CLCA1: variants seen among roughly 807,000 people sequenced by gnomAD.
CLCA1 encodes chloride channel accessory 1.
Under a neutral mutation model 85.6 loss-of-function variants are expected in CLCA1, and 59 were observed. That is an observed-to-expected ratio of 0.69 (90% CI 0.56 to 0.86). CLCA1 has a LOEUF of 0.86. Ranked by LOEUF, CLCA1 falls within the 40% of genes least tolerant of loss-of-function variation. The probability of loss-of-function intolerance (pLI) is 0.00; values close to 1 mark genes in which losing one functional copy is unlikely to be tolerated. For synonymous variants in CLCA1, 396 were observed against 398.3 expected (o/e 0.99, Z 0.07); for missense variants, 1,022 against 1,101.4 (o/e 0.93, Z 1.02).
chr1:86,486,654 G>A lies in CLCA1; in HGVS notation c.1083G>A (p.Gln361=). The A allele has an allele frequency of 6.2e-7, 1 of 1,614,210 alleles. No homozygotes were observed. Among genetic ancestry groups the A allele is most frequent in the Non-Finnish European group, 8.5e-7 (1 of 1,180,028 alleles). Residue 361 remains glutamine, a synonymous_variant, in exon 7 of 14, where the codon CAG becomes CAA. Coordinates refer to ENST00000394711, the MANE Select transcript of CLCA1 (RefSeq NM_001285.4). ...SAAHVQNELI[Q]INSGSDRDTL... is the part of the protein sequence containing the mutation. ...CCCATGTACAAAATGAACTCATACA[G>A]ATAAACAGTGGCAGTGACAGGGACA...
rs569492161 is a variant in CLCA1, at chr1:86,472,624, C to T, written c.163-793C>T. Among the ~76,000 whole-genome samples, 6 of 152,278 alleles carry T rather than the reference C, an allele frequency of 3.9e-5. No individual in the cohort carries two copies. The East Asian group carries it at 1.2e-3, about 29-fold the overall frequency. ...ACATATCACAGGGAATCTGCAGACA[C>T]ATTTATAATTTAACGCTGCAGCTAT... On this transcript the variant is annotated intron_variant, in intron 1 of 13. Transcript: ENST00000394711.
At chr1:86,493,363 A>G in intron 9 of CLCA1, 21 bp from the exon 10 acceptor site, 1 of 1,577,928 alleles carries the variant, frequency 6.3e-7, no homozygotes, top group Non-Finnish European at 8.7e-7. Context: ...TCCAGAAAGT[A>G]AGAGCTGTTT....
chr1:86,494,546 C>T, intron 11 of CLCA1, 98 bp downstream of exon 11: 1 of 1,253,952 alleles, frequency 8.0e-7, no homozygotes, highest in Non-Finnish European at 1.1e-6. Flanking sequence ...GTTAGACAGG[C>T]AAGGCAGCAC....
At position 86,489,161 on chromosome 1, in the gene CLCA1, A is replaced by G. The variant is rs781711536; in HGVS notation, c.1348A>G (p.Lys450Glu). 2.5e-6 allele frequency: 4 copies of G among 1,613,642 alleles called. No individual in the cohort carries two copies. The Admixed American group carries it at 5.0e-5, about 20-fold the overall frequency. ...AGCTCAAGAACTAGAGGAGCTGTCC[A>G]AAATGACAGGTGAGGGATGATTTGC... ...SAAQELEELS[K>E]MTGGLQTYAS... The change falls in exon 8 of 14, where the codon AAA (lysine) becomes GAA (glutamate). Residue 450 changes from lysine to glutamate, a missense_variant. Coordinates refer to ENST00000394711, the MANE Select transcript of CLCA1 (RefSeq NM_001285.4).
At chr1:86,480,390 C>T (rs1647786154) in intron 4 of CLCA1, among the ~76,000 whole-genome samples, 1 of 151,984 alleles carries the variant, frequency 6.6e-6, no homozygotes, top group Non-Finnish European at 1.5e-5. Flanking sequence ...AGATAATTTA[C>T]AAAAGAAGAA....
At position 86,485,512 on chromosome 1, in the gene CLCA1, T is replaced by C; in HGVS notation, c.905T>C (p.Ile302Thr). 1 of 1,614,166 alleles carries C rather than the reference T, an allele frequency of 6.2e-7. No individual in the cohort carries two copies. The highest frequency in any genetic ancestry group is 8.5e-7 in the Non-Finnish European group (1 of 1,180,016). Residue 302 changes from isoleucine (I) to threonine (T), a missense_variant, in exon 6 of 14, where the codon ATT becomes ACT. Physicochemically the swap from Ile to Thr is moderately conservative, Grantham distance 89 (BLOSUM62 -1). Transcript: ENST00000394711. ...PPNPTFSLLQ[I>T]GQRIVCLVLD... ...AATCCCACCTTCTCATTGCTGCAGA[T>C]TGGACAAAGAATTGTGTGTTTAGTC...
intron 1 of CLCA1, among the ~76,000 whole-genome samples, chr1:86,470,759 C>A (rs5744307): frequency 0.011 from 1,654 of 152,276 alleles, 31 homozygotes; most frequent in African/African-American, 0.037. Context: ...TGTTCCAGAT[C>A]TGCAGAGTTG....
intron 4 of CLCA1, among the ~76,000 whole-genome samples, chr1:86,481,670 A>G (rs1327035692): frequency 6.6e-6 from 1 of 152,158 alleles, no homozygotes; most frequent in African/African-American, 2.4e-5. Context: ...ATGGTTATAT[A>G]CTTAAAAAAT....
intron 8 of CLCA1, among the ~76,000 whole-genome samples, chr1:86,490,557 G>A (rs1298651213): frequency 6.6e-6 from 1 of 152,096 alleles, no homozygotes; most frequent in African/African-American, 2.4e-5. Context: ...ACGTTTGTTG[G>A]AATTATGTTT....
rs772377825 is a variant in CLCA1 at position 86,486,743 on chromosome 1, C to T, written c.1172C>T (p.Ser391Leu). ...ACGTCCATCTGCAGCGGGCTTCGAT[C>T]GGCATTTACTGTGAGATGTGTTTTT... ...GGTSICSGLR[S>L]AFTVIRKKYP... Residue 391 changes from serine to leucine, a missense_variant, in exon 7 of 14, where the codon TCG (serine) becomes TTG (leucine). Coordinates refer to ENST00000394711, the MANE Select transcript of CLCA1 (RefSeq NM_001285.4). 1.4e-5 allele frequency: 23 copies of T among 1,613,838 alleles called. No individual in the cohort carries two copies. The Admixed American group carries it at 1.8e-4, about 13-fold the overall frequency.
Position 86,471,351 on chromosome 1 carries a change from C to G in CLCA1, c.163-2066C>G, listed in dbSNP as rs529810392. Among the ~76,000 whole-genome samples, 63 of 152,338 alleles carry G rather than the reference C, an allele frequency of 4.1e-4. 3 individuals carry two copies. The South Asian group carries it at 0.012, about 29-fold the overall frequency. On this transcript the variant is annotated intron_variant, in intron 1 of 13. Transcript: ENST00000394711. ...TACTAGAAGTCCAGTGGTCAATATA[C>G]TGTCCCTGTCCTGAAGGAATTTCTA...
At chr1:86,498,492 G>A (rs1215557308) in intron 12 of CLCA1, 80 bp from the exon 13 acceptor site, 9 of 1,404,838 alleles carry the variant, frequency 6.4e-6, no homozygotes, top group East Asian at 2.3e-5. Context: ...CAGGAAGAGG[G>A]TGATCTGATA....
At chr1:86,490,621 T>C (rs1482064316) in intron 8 of CLCA1, among the ~76,000 whole-genome samples, 1 of 152,218 alleles carries the variant, frequency 6.6e-6, no homozygotes, top group Non-Finnish European at 1.5e-5. Flanking sequence ...TTCTCTCATG[T>C]AAAAGTGCAG....
At chr1:86,470,043 T>C (rs1046000107) in intron 1 of CLCA1, among the ~76,000 whole-genome samples, 23 of 152,204 alleles carry the variant, frequency 1.5e-4, no homozygotes, top group African/African-American at 4.8e-4. Flanking sequence ...AATGCATGCA[T>C]AGTGCCTGGT....
Position 86,483,889 on chromosome 1 carries a change from C to A in CLCA1, c.736-1454C>A, listed in dbSNP as rs938908380. Among the ~76,000 whole-genome samples, 7 of 152,246 alleles carry A rather than the reference C, an allele frequency of 4.6e-5. No individual in the cohort carries two copies. The East Asian group carries it at 5.8e-4, about 13-fold the overall frequency. On this transcript the variant is annotated intron_variant, in intron 5 of 13. Coordinates refer to ENST00000394711, the MANE Select transcript of CLCA1 (RefSeq NM_001285.4). Reference sequence around the variant, plus strand: ...GATAATTTATAAATGAAAGAGGTTTCATTGACTCACAGTTCCACATGGCTA... The same window carrying A: ...GATAATTTATAAATGAAAGAGGTTTAATTGACTCACAGTTCCACATGGCTA...
At chr1:86,483,546 G>A (rs919900055) in intron 5 of CLCA1, among the ~76,000 whole-genome samples, 7 of 151,880 alleles carry the variant, frequency 4.6e-5, no homozygotes, top group East Asian at 3.8e-4. Context: ...CCCCACAGGC[G>A]AGAGATATAA....
chr1:86,489,045 C>T lies in CLCA1; in HGVS notation c.1232C>T (p.Thr411Met), dbSNP rs375829347. The stretch of plus-strand genomic sequence containing the variant: ...GATGGATCTGAAATTGTGCTGCTGA[C>T]GGATGGGGAAGACAACACTATAAGT... ...PTDGSEIVLL[T>M]DGEDNTISGC... Residue 411 changes from threonine (T) to methionine (M), a missense_variant, in exon 8 of 14, where the codon ACG becomes ATG. Physicochemically the swap from Thr to Met is moderately conservative, Grantham distance 81. Coordinates refer to ENST00000394711, the MANE Select transcript of CLCA1 (RefSeq NM_001285.4). 25 of 1,613,878 alleles carry T rather than the reference C, an allele frequency of 1.5e-5. No individual in the cohort carries two copies. The highest frequency in any genetic ancestry group is 1.6e-4 in the Middle Eastern group (1 of 6,082).
At chr1:86,469,222 C>T (rs1647434121) in intron 1 of CLCA1, 89 bp downstream of exon 1, 1 of 812,670 alleles carries the variant, frequency 1.2e-6, no homozygotes. Flanking sequence ...AGCTGCACGA[C>T]ACTGGCATGT....
chr1:86,484,963 T>C (rs1029166889), intron 5 of CLCA1, among the ~76,000 whole-genome samples: 2 of 152,084 alleles, frequency 1.3e-5, no homozygotes, highest in African/African-American at 4.8e-5. Context: ...TATAGTGTGT[T>C]GGTAAATGAG....
Sources: gnomAD v4.1 joint callset for allele counts (sites outside exome capture counted in the v4.1 genomes callset) on GRCh38, gnomAD v4.1.1 for gene constraint, MANE v1.5 for transcripts, NCBI Gene and HGNC (gene_info 2026-07-23, HGNC 2026-07-21) for gene names.